The following OOSP1 variants were observed in gnomAD, a reference collection of about 807,000 sequenced individuals.
OOSP1 encodes the protein putative oocyte-secreted protein 1 homolog.
Under a neutral mutation model 5.7 loss-of-function variants are expected in OOSP1, and 11 were observed. The ratio of observed to expected loss-of-function variants is 1.94; its 90% confidence interval spans 1.22 to 3.20. OOSP1 has a LOEUF of 3.20. Among genes scored for constraint, OOSP1 ranks in the 30% most tolerant of loss-of-function variants. The pLI is 0.00. For missense variants in OOSP1, 83 were observed against 54.1 expected (o/e 1.53, Z -1.67); for synonymous variants, 44 against 20.0 (o/e 2.20, Z -3.20).
exon 5 of OOSP1, chr11:59,957,430 C>G: frequency 2.6e-6 from 1 of 381,268 alleles, no homozygotes. Context: ...TGTCATCATA[C>G]GTGTTCATTG....
At chr11:59,955,598 G>A (rs972151056) in intron 4 of OOSP1, among the ~76,000 whole-genome samples, 1 of 151,886 alleles carries the variant, frequency 6.6e-6, no homozygotes, top group Non-Finnish European at 1.5e-5. Flanking sequence ...CCTACACAGT[G>A]TGCCAAGTTT....
At chr11:59,940,398 AGTTTG>A (rs1263272637) in intron 1 of OOSP1, among the ~76,000 whole-genome samples, 1 of 152,060 alleles carries the variant, frequency 6.6e-6, no homozygotes, top group Non-Finnish European at 1.5e-5. Flanking sequence ...CCCATATGTG[AGTTTG>A]GTAATTATTC....
At chr11:59,949,082 G>T (rs888865719) in intron 4 of OOSP1, 1 of 261,542 alleles carries the variant, frequency 3.8e-6, no homozygotes, top group Non-Finnish European at 7.1e-6. Context: ...AAGCTTCAAT[G>T]CTCATTAGAA....
rs180859601 is a variant in OOSP1, at chr11:59,950,798, C to T, written c.486+2936C>T. 1.1e-3 allele frequency among the ~76,000 whole-genome samples: 161 copies of T among 151,562 alleles called. 1 individual carries two copies. Among genetic ancestry groups the T allele is most frequent in the Non-Finnish European group, 1.8e-3 (123 of 67,894 alleles). ...GTACAGGTGGCTTTTTCTAGGAGTA[C>T]GGCTGTAAAGAGAAAAATAGAAATG... On this transcript the variant is annotated intron_variant, in intron 4 of 4. Transcript: ENST00000646685.
At chr11:59,945,600 AT>A (rs908577982) in intron 3 of OOSP1, among the ~76,000 whole-genome samples, 1 of 151,082 alleles carries the variant, frequency 6.6e-6, no homozygotes, top group Non-Finnish European at 1.5e-5. Flanking sequence ...AAAAAAAAAA[AT>A]TAGCTGGGCA....
chr11:59,942,875 G>T, exon 2 of OOSP1: 1 of 702,598 alleles, frequency 1.4e-6, no homozygotes, highest in African/African-American at 1.7e-5. Context: ...CCCAGTTTTG[G>T]TTCTTTGCCA....
intron 1 of OOSP1, among the ~76,000 whole-genome samples, chr11:59,938,864 TG>T (rs1385214623): frequency 1.3e-5 from 2 of 152,012 alleles, no homozygotes; most frequent in African/African-American, 2.4e-5. Context: ...GAGGAGTGGG[TG>T]GTGGTAGGAA....
intron 1 of OOSP1, 133 bp downstream of exon 1, chr11:59,938,663 C>T (rs561316002): frequency 1.7e-4 from 67 of 402,212 alleles, no homozygotes; most frequent in Non-Finnish European, 2.7e-4. Context: ...TGCCTCTTTT[C>T]GATGTGCAAT....
chr11:59,950,663 G>T (rs185626624), intron 4 of OOSP1, among the ~76,000 whole-genome samples: 1 of 152,180 alleles, frequency 6.6e-6, no homozygotes, highest in Non-Finnish European at 1.5e-5. Context: ...CCAGCAATGT[G>T]AGGGGCATTG....
chr11:59,942,239 C>G (rs1853835850), intron 1 of OOSP1, among the ~76,000 whole-genome samples: 1 of 152,172 alleles, frequency 6.6e-6, no homozygotes, highest in African/African-American at 2.4e-5. Flanking sequence ...TCCCTGGGAC[C>G]TAATTCAAGC....
At position 59,954,763 on chromosome 11, in the gene OOSP1, G is replaced by A. The variant is rs142619031; in HGVS notation, c.487-2432G>A. Among the ~76,000 whole-genome samples, 119 of 152,046 alleles carry A rather than the reference G, an allele frequency of 7.8e-4. 2 individuals are homozygous for A. Among genetic ancestry groups the A allele is most frequent in the African/African-American group, 2.3e-3 (94 of 41,466 alleles). On this transcript the variant is annotated intron_variant, in intron 4 of 4. Coordinates refer to ENST00000646685, the Ensembl canonical transcript of OOSP1. ...GTTTATACTAAGCTTCTCGAGGGTT[G>A]GAGGGAGAAAACTGTAGTTTTGAGG...
intron 1 of OOSP1, 140 bp from the exon 2 acceptor site, chr11:59,942,707 T>C (rs947187548): frequency 1.7e-6 from 1 of 573,992 alleles, no homozygotes; most frequent in African/African-American, 1.9e-5. Context: ...AGACCATGTT[T>C]TGCAAACTTG....
At chr11:59,945,449 A>G (rs1853871355) in intron 3 of OOSP1, 183 bp downstream of exon 3, 55 of 656,956 alleles carry the variant, frequency 8.4e-5, no homozygotes, top group South Asian at 7.8e-4. Context: ...ATTGCTATAA[A>G]GAGAAATGCT....
intron 4 of OOSP1, among the ~76,000 whole-genome samples, chr11:59,948,198 C>T (rs1168396918): frequency 6.6e-6 from 1 of 152,148 alleles, no homozygotes; most frequent in East Asian, 1.9e-4. Flanking sequence ...TGAGTATTAA[C>T]ACTGAGCCTA....
chr11:59,951,504 A>G lies in OOSP1; in HGVS notation c.486+3642A>G, dbSNP rs72912754. On this transcript the variant is annotated intron_variant, in intron 4 of 4. Coordinates refer to ENST00000646685, the Ensembl canonical transcript of OOSP1. ...TCACACGAGGCAGCGGGTGGGCTTC[A>G]TTTTGTGGTCTGCATCCTGAGAGGT... 9.9e-3 allele frequency among the ~76,000 whole-genome samples: 1,510 copies of G among 152,120 alleles called. 17 individuals are homozygous for G. Among genetic ancestry groups the G allele is most frequent in the Admixed American group, 0.018 (270 of 15,240 alleles).
intron 4 of OOSP1, among the ~76,000 whole-genome samples, chr11:59,949,458 G>T (rs774468995): frequency 6.6e-6 from 1 of 151,454 alleles, no homozygotes; most frequent in Non-Finnish European, 1.5e-5. Flanking sequence ...AGGGAAGGCC[G>T]TTCACACATG....
chr11:59,938,618 A>G (rs1013330818), intron 1 of OOSP1, 88 bp downstream of exon 1: 5 of 411,348 alleles, frequency 1.2e-5, no homozygotes, highest in Non-Finnish European at 2.2e-5. Context: ...GTCTGGTTGA[A>G]TCTTAATAAT....
chr11:59,948,563 C>T (rs1853910183), intron 4 of OOSP1: 2 of 390,778 alleles, frequency 5.1e-6, no homozygotes, highest in Non-Finnish European at 9.0e-6. Flanking sequence ...TCTTTCTTCT[C>T]CTCCCTTACC....
At chr11:59,939,852 T>C (rs750846365) in intron 1 of OOSP1, among the ~76,000 whole-genome samples, 1 of 152,058 alleles carries the variant, frequency 6.6e-6, no homozygotes, top group Non-Finnish European at 1.5e-5. Flanking sequence ...TCTTTCTTTG[T>C]CACTCAGGCT....
Sources: gnomAD v4.1 joint callset for allele counts (sites outside exome capture counted in the v4.1 genomes callset) on GRCh38, gnomAD v4.1.1 for gene constraint, MANE v1.5 for transcripts, NCBI Gene and HGNC (gene_info 2026-07-23, HGNC 2026-07-21) for gene names.